The following RGS8 variants were observed in gnomAD, a reference collection of about 807,000 sequenced individuals.
The protein encoded by RGS8 is regulator of G-protein signaling 8.
RGS8 carries 8 observed loss-of-function variants against 21.7 expected under a neutral mutation model. That is an observed-to-expected ratio of 0.37 (90% CI 0.22 to 0.66). RGS8 has a LOEUF of 0.66. RGS8 is among the 30% of genes least tolerant of loss of function. The probability of loss-of-function intolerance (pLI) is 0.59; values close to 1 mark genes in which losing one functional copy is unlikely to be tolerated. For synonymous variants in RGS8, 80 were observed against 83.6 expected (o/e 0.96, Z 0.24); for missense variants, 157 against 217.9 (o/e 0.72, Z 1.76).
the RGS8 span, among the ~76,000 whole-genome samples, chr1:182,721,014 T>TATATGATTTTA: frequency 2.8e-5 from 3 of 105,452 alleles, no homozygotes; most frequent in African/African-American, 8.0e-5. Context: ...TATACATATA[T>TATATGATTTTA]ACACATATAT....
chr1:182,702,320 A>G, the RGS8 span, among the ~76,000 whole-genome samples: 1 of 152,226 alleles, frequency 6.6e-6, no homozygotes, highest in African/African-American at 2.4e-5. Context: ...AGGCAACCAA[A>G]TACCACATAA....
At chr1:182,713,479 C>T in the RGS8 span, among the ~76,000 whole-genome samples, 2 of 152,130 alleles carry the variant, frequency 1.3e-5, no homozygotes, top group African/African-American at 2.4e-5. Context: ...CCACCACGCC[C>T]GGCCTCTCTT....
chr1:182,705,546 T>G, the RGS8 span, among the ~76,000 whole-genome samples: 3 of 135,816 alleles, frequency 2.2e-5, no homozygotes, highest in African/African-American at 5.7e-5. Context: ...TTTTTATAGC[T>G]ACTTTATCTA....
chr1:182,722,363 C>CA, the RGS8 span, among the ~76,000 whole-genome samples: 3,587 of 77,578 alleles, frequency 0.046, 63 homozygotes, highest in African/African-American at 0.083. Flanking sequence ...AGCAAATTAC[C>CA]AAAAAAAAAA....
At chr1:182,681,883 C>T (rs115348260) in intron 1 of RGS8, among the ~76,000 whole-genome samples, 1,579 of 152,326 alleles carry the variant, frequency 0.01, 16 homozygotes, top group South Asian at 0.04. Flanking sequence ...CCTTCTAGAA[C>T]CTTTTACTGC....
chr1:182,721,251 T>C, the RGS8 span, among the ~76,000 whole-genome samples: 6 of 151,874 alleles, frequency 4.0e-5, no homozygotes, highest in African/African-American at 1.5e-4. Flanking sequence ...GTTCTAGAAA[T>C]TGGGATGCCA....
chr1:182,690,521 G>A, the RGS8 span, among the ~76,000 whole-genome samples: 4 of 152,126 alleles, frequency 2.6e-5, no homozygotes, highest in South Asian at 2.1e-4. Flanking sequence ...CCCTTTGGGC[G>A]AGTCATTTAA....
the RGS8 span, among the ~76,000 whole-genome samples, chr1:182,741,684 T>C: frequency 3.5e-4 from 36 of 102,186 alleles, no homozygotes; most frequent in South Asian, 7.2e-4. Context: ...GGCTCCTCAC[T>C]TCCCAGTAGG....
chr1:182,737,728 C>T, the RGS8 span, among the ~76,000 whole-genome samples: 3 of 152,134 alleles, frequency 2.0e-5, no homozygotes, highest in African/African-American at 7.2e-5. Flanking sequence ...GACTAATAAA[C>T]CATACAAGAT....
At chr1:182,710,547 C>T in the RGS8 span, among the ~76,000 whole-genome samples, 1 of 152,130 alleles carries the variant, frequency 6.6e-6, no homozygotes, top group Non-Finnish European at 1.5e-5. Context: ...ATCCCCATAA[C>T]CCTACAGCAA....
At chr1:182,676,677 A>G (rs534582982), upstream of RGS8, among the ~76,000 whole-genome samples, 4 of 152,358 alleles carry the variant, frequency 2.6e-5, no homozygotes, top group South Asian at 8.3e-4. Context: ...AAGGAACATC[A>G]GAGGGGACAT....
the RGS8 span, among the ~76,000 whole-genome samples, chr1:182,746,218 T>C: frequency 1.3e-5 from 2 of 152,212 alleles, no homozygotes; most frequent in African/African-American, 4.8e-5. Flanking sequence ...AATCCGCTGC[T>C]ATCCTTCAGT....
At chr1:182,672,691 A>G, upstream of RGS8, 1 of 1,101,178 alleles carries the variant, frequency 9.1e-7, no homozygotes, top group Non-Finnish European at 1.4e-6. Flanking sequence ...TCCCTCATCC[A>G]TCACCTAGCA....
chr1:182,735,578 G>T, the RGS8 span, among the ~76,000 whole-genome samples: 1 of 152,110 alleles, frequency 6.6e-6, no homozygotes, highest in African/African-American at 2.4e-5. Context: ...TAAGCAGGGC[G>T]CTATGGCAGT....
chr1:182,692,437 A>G, the RGS8 span, among the ~76,000 whole-genome samples: 1 of 152,102 alleles, frequency 6.6e-6, no homozygotes, highest in African/African-American at 2.4e-5. Flanking sequence ...GATCTCTACA[A>G]TAGGAATTAC....
the RGS8 span, among the ~76,000 whole-genome samples, chr1:182,721,765 A>G: frequency 1.3e-5 from 2 of 152,232 alleles, no homozygotes; most frequent in African/African-American, 4.8e-5. Context: ...CAGAGTTCAT[A>G]TCATGACATG....
the RGS8 span, among the ~76,000 whole-genome samples, chr1:182,704,150 A>T: frequency 6.6e-6 from 1 of 152,238 alleles, no homozygotes; most frequent in African/African-American, 2.4e-5. Context: ...ACGAATAGTG[A>T]TTCCTCCAAT....
At chr1:182,719,598 C>T in the RGS8 span, among the ~76,000 whole-genome samples, 4 of 151,502 alleles carry the variant, frequency 2.6e-5, no homozygotes, top group African/African-American at 9.7e-5. Flanking sequence ...ACCCTGCTTC[C>T]CCCTACCTTC....
At chr1:182,643,306 G>C (rs1231891529), downstream of RGS8, 1 of 117,174 alleles carries the variant, frequency 8.5e-6, no homozygotes, top group African/African-American at 3.9e-5. Context: ...ACACAGCTGT[G>C]TCTCCCCCCT....
Sources: allele counts gnomAD v4.1 joint callset (sites outside exome capture counted in the v4.1 genomes callset), GRCh38; gene constraint gnomAD v4.1.1; transcripts MANE v1.5; gene names NCBI Gene and HGNC (gene_info 2026-07-23, HGNC 2026-07-21).